Variants in ARAP2 observed in about 807,000 individuals in gnomAD.
ARAP2 encodes ArfGAP with RhoGAP domain, ankyrin repeat and PH domain 2.
ARAP2 carries 148 observed loss-of-function variants against 194.5 expected under a neutral mutation model. The ratio of observed to expected loss-of-function variants is 0.76; its 90% CI spans 0.67 to 0.87. ARAP2 has a LOEUF of 0.87. Ranked by LOEUF, ARAP2 falls within the 40% of genes least tolerant of loss-of-function variation. The pLI, the probability that ARAP2 is intolerant of heterozygous loss-of-function variation, is 0.00. For synonymous variants in ARAP2, 695 were observed against 683.5 expected (o/e 1.02, Z -0.26); for missense variants, 2,128 against 1,989.7 (o/e 1.07, Z -1.32).
intron 1 of ARAP2, among the ~76,000 whole-genome samples, chr4:36,233,229 A>G (rs1244895733): frequency 6.6e-6 from 1 of 152,216 alleles, no homozygotes; most frequent in East Asian, 1.9e-4. Flanking sequence ...ATGCCTAATT[A>G]TAAAATTCCA....
rs749422658 is a variant in ARAP2, at chr4:36,161,544, T to C, written c.2180A>G (p.His727Arg). Reference protein sequence around the residue: ...VVICKKCAGQHRSLGPKDSKV... With the variant: ...VVICKKCAGQRRSLGPKDSKV... The stretch of plus-strand genomic sequence containing the variant: ...GGAATCTTTTGGTCCTAAAGATCTA[T>C]GCTGTCCTAGAGTCAAAACACAATT... Residue 727 changes from histidine (H) to arginine (R), a missense_variant, in exon 12 of 33, where the codon CAT (histidine) becomes CGT (arginine). His to Arg is a conservative substitution (Grantham distance 29). Coordinates refer to ENST00000303965, the MANE Select transcript of ARAP2 (RefSeq NM_015230.4). 1.9e-6 allele frequency: 3 copies of C among 1,612,574 alleles called. No individual in the cohort carries two copies. The highest frequency in any genetic ancestry group is 2.2e-5 in the South Asian group (2 of 91,052).
At chr4:36,210,295 TG>T in intron 6 of ARAP2, 94 bp downstream of exon 6, 1 of 1,116,472 alleles carries the variant, frequency 9.0e-7, no homozygotes, top group Non-Finnish European at 1.3e-6. Context: ...TGTGTGGCGG[TG>T]GAGTGGGGGA....
At chr4:36,160,435 C>T (rs775141615) in intron 13 of ARAP2, 24 bp downstream of exon 13, 48 of 1,498,472 alleles carry the variant, frequency 3.2e-5, no homozygotes, top group Non-Finnish European at 4.2e-5. Context: ...AAATCCACGT[C>T]TGCTGTTATG....
intron 8 of ARAP2, among the ~76,000 whole-genome samples, chr4:36,014,224 C>A (rs537717837): frequency 1.6e-3 from 101 of 61,710 alleles, no homozygotes; most frequent in South Asian, 3.6e-3. Context: ...GAGACCCTAT[C>A]GAAAGAAAGA....
intron 7 of ARAP2, among the ~76,000 whole-genome samples, chr4:36,188,009 A>G (rs1017208938): frequency 3.3e-5 from 5 of 152,220 alleles, no homozygotes; most frequent in African/African-American, 1.2e-4. Context: ...CCTTAAACAC[A>G]TATCGGGTTT....
At position 36,212,385 on chromosome 4, in the gene ARAP2, T is replaced by C. The variant is rs760856187; in HGVS notation, c.1133+11A>G. 20 of 1,589,818 alleles carry C rather than the reference T, an allele frequency of 1.3e-5. No homozygotes were observed. Among genetic ancestry groups the C allele is most frequent in the South Asian group, 3.3e-5 (3 of 90,272 alleles). On this transcript the variant is annotated intron_variant, in intron 5 of 32. Transcript: ENST00000303965. ...CTAAATAGTTAATCATCATCAATCA[T>C]GATCTCATACCTTGATTTGATGATA...
At chr4:36,139,090 C>CAATA (rs1727577099) in intron 19 of ARAP2, among the ~76,000 whole-genome samples, 1 of 133,846 alleles carries the variant, frequency 7.5e-6, no homozygotes, top group East Asian at 2.0e-4. Flanking sequence ...TTGAATAGTA[C>CAATA]CAGTGTATGA....
intron 27 of ARAP2, among the ~76,000 whole-genome samples, chr4:36,093,439 A>G (rs1714302688): frequency 6.6e-6 from 1 of 152,142 alleles, no homozygotes; most frequent in African/African-American, 2.4e-5. Context: ...AAATCTAAAC[A>G]TGCAATAATT....
intron 15 of ARAP2, among the ~76,000 whole-genome samples, chr4:36,151,410 G>A (rs1268424086): frequency 2.6e-5 from 4 of 152,180 alleles, no homozygotes; most frequent in Admixed American, 6.5e-5. Context: ...TGCAGCTTGT[G>A]GTAGGTATGC....
chr4:36,045,789 A>G (rs1290766618), intron 5 of ARAP2, among the ~76,000 whole-genome samples: 1 of 152,222 alleles, frequency 6.6e-6, no homozygotes, highest in Non-Finnish European at 1.5e-5. Flanking sequence ...TACATGCATC[A>G]TAACATCACA....
chr4:36,241,580 T>A (rs1753510734), intron 1 of ARAP2, among the ~76,000 whole-genome samples: 1 of 152,126 alleles, frequency 6.6e-6, no homozygotes, highest in South Asian at 2.1e-4. Context: ...AAAGGGTAGA[T>A]GAGACATGAC....
intron 1 of ARAP2, among the ~76,000 whole-genome samples, chr4:36,060,524 A>T (rs1223200101): frequency 1.3e-5 from 2 of 152,176 alleles, no homozygotes; most frequent in African/African-American, 4.8e-5. Context: ...GAGCACAAGG[A>T]CTAATTATTT....
chr4:36,052,981 A>G (rs537307929), intron 2 of ARAP2, among the ~76,000 whole-genome samples: 34 of 151,994 alleles, frequency 2.2e-4, no homozygotes, highest in African/African-American at 7.7e-4. Context: ...CATCTCAACA[A>G]TTTCCCCTAA....
At chr4:36,093,172 T>C (rs982228798) in intron 27 of ARAP2, among the ~76,000 whole-genome samples, 21 of 151,716 alleles carry the variant, frequency 1.4e-4, no homozygotes, top group Admixed American at 7.2e-4. Context: ...CGTGGACACA[T>C]AGAGGGGAAC....
chr4:36,187,133 T>C (rs1010585606), intron 8 of ARAP2, among the ~76,000 whole-genome samples: 3 of 152,236 alleles, frequency 2.0e-5, no homozygotes, highest in Non-Finnish European at 4.4e-5. Context: ...TATTTTGCAT[T>C]ATCAAAACAA....
At chr4:36,043,887 G>A (rs371359172) in intron 5 of ARAP2, among the ~76,000 whole-genome samples, 111 of 131,122 alleles carry the variant, frequency 8.5e-4, no homozygotes, top group African/African-American at 2.8e-3. Flanking sequence ...AAAAGGGAAA[G>A]GAAAAAGGGA....
At chr4:36,204,555 G>T (rs567967434) in intron 6 of ARAP2, among the ~76,000 whole-genome samples, 2 of 152,146 alleles carry the variant, frequency 1.3e-5, no homozygotes, top group African/African-American at 4.8e-5. Context: ...GTGTGCACTC[G>T]GCCTGGGGAA....
chr4:36,078,126 TACTA>T (rs1314177152), intron 31 of ARAP2, among the ~76,000 whole-genome samples: 4 of 152,216 alleles, frequency 2.6e-5, no homozygotes, highest in African/African-American at 9.6e-5. Flanking sequence ...ATTTTAGAAA[TACTA>T]ACTAAACATG....
chr4:36,151,532 A>C (rs1047252527), intron 15 of ARAP2, among the ~76,000 whole-genome samples: 5 of 152,092 alleles, frequency 3.3e-5, no homozygotes, highest in African/African-American at 1.2e-4. Context: ...TCAGAACATC[A>C]CCTAAAATAT....
Sources: allele counts gnomAD v4.1 joint callset (sites outside exome capture counted in the v4.1 genomes callset), GRCh38; gene constraint gnomAD v4.1.1; transcripts MANE v1.5; gene names NCBI Gene and HGNC (gene_info 2026-07-23, HGNC 2026-07-21).